Variants in THOC7 observed in about 807,000 individuals in gnomAD.
The protein encoded by THOC7 is NIF3L1-binding protein 1.
THOC7 carries 22 observed loss-of-function variants against 33.1 expected under a neutral mutation model. That is an observed-to-expected ratio of 0.66 (90% CI 0.47 to 0.95). The LOEUF (loss-of-function observed/expected upper bound fraction) is 0.95. Among genes scored for constraint, THOC7 ranks in the 40% least tolerant of loss-of-function variants. The pLI is 0.00. For missense variants in THOC7, 184 were observed against 245.3 expected, an observed-to-expected ratio of 0.75 and a Z score of 1.67; for synonymous variants, 77 against 76.8, an observed-to-expected ratio of 1.00 and a Z score of -0.01.
At chr3:63,863,941 G>A, upstream of THOC7, 2 of 168,914 alleles carry the variant, frequency 1.2e-5, no homozygotes, top group Non-Finnish European at 2.0e-5. Context: ...CGCCTGAGCC[G>A]CGCCGCGCCG....
chr3:63,836,237 A>G (rs920528493), intron 5 of THOC7, 64 bp downstream of exon 5: 7 of 1,472,844 alleles, frequency 4.8e-6, no homozygotes, highest in Non-Finnish European at 6.5e-6. Context: ...TGAAATGCCT[A>G]CGGTAGTTTT....
chr3:63,846,806 A>C (rs1296520872), intron 1 of THOC7, among the ~76,000 whole-genome samples: 1 of 152,170 alleles, frequency 6.6e-6, no homozygotes, highest in Non-Finnish European at 1.5e-5. Context: ...AAAGAGGCAG[A>C]ATGATAGTCT....
At chr3:63,859,305 C>T (rs1026205594) in intron 1 of THOC7, among the ~76,000 whole-genome samples, 1 of 152,198 alleles carries the variant, frequency 6.6e-6, no homozygotes, top group Non-Finnish European at 1.5e-5. Flanking sequence ...TTTCTAAATG[C>T]CCACAAAGGA....
chr3:63,854,054 C>A (rs1194816258), intron 1 of THOC7, among the ~76,000 whole-genome samples: 1 of 152,162 alleles, frequency 6.6e-6, no homozygotes, highest in Non-Finnish European at 1.5e-5. Flanking sequence ...GGATTCCTTA[C>A]AAATTTGCTT....
intron 5 of THOC7, among the ~76,000 whole-genome samples, chr3:63,835,822 T>G (rs1268119132): frequency 6.6e-6 from 1 of 152,112 alleles, no homozygotes; most frequent in Admixed American, 6.6e-5. Flanking sequence ...TATATCATTC[T>G]TATTCTTTTT....
intron 7 of THOC7, among the ~76,000 whole-genome samples, chr3:63,834,816 C>T (rs1274104048): frequency 1.3e-5 from 2 of 152,026 alleles, no homozygotes; most frequent in African/African-American, 4.8e-5. Context: ...TGCAAATGTT[C>T]GTATGTACTG....
intron 1 of THOC7, among the ~76,000 whole-genome samples, chr3:63,854,344 A>T (rs562023509): frequency 6.6e-6 from 1 of 152,336 alleles, no homozygotes; most frequent in East Asian, 1.9e-4. Flanking sequence ...TAGCTCCATA[A>T]TGAACACACT....
At chr3:63,853,127 G>C (rs1188108471) in intron 1 of THOC7, among the ~76,000 whole-genome samples, 1 of 150,700 alleles carries the variant, frequency 6.6e-6, no homozygotes, top group African/African-American at 2.4e-5. Flanking sequence ...CTCTAGCCCG[G>C]GTGGCAGAAT....
At chr3:63,853,630 C>T (rs1472516466) in intron 1 of THOC7, among the ~76,000 whole-genome samples, 4 of 152,130 alleles carry the variant, frequency 2.6e-5, no homozygotes, top group South Asian at 2.1e-4. Flanking sequence ...AATTCACGGC[C>T]GGGCACTATG....
chr3:63,835,502 T>C (rs1447829043), intron 5 of THOC7, 112 bp from the exon 6 acceptor site: 3 of 896,680 alleles, frequency 3.3e-6, no homozygotes, highest in African/African-American at 3.4e-5. Flanking sequence ...AAAGGGCTTA[T>C]AAGGAGTTAT....
At chr3:63,857,695 T>C (rs1024783298) in intron 1 of THOC7, among the ~76,000 whole-genome samples, 3 of 152,242 alleles carry the variant, frequency 2.0e-5, no homozygotes, top group African/African-American at 4.8e-5. Context: ...CATGTAGATA[T>C]TAACCTCTCC....
At chr3:63,858,583 T>C (rs1389207790) in intron 1 of THOC7, among the ~76,000 whole-genome samples, 1 of 152,224 alleles carries the variant, frequency 6.6e-6, no homozygotes, top group Non-Finnish European at 1.5e-5. Flanking sequence ...TATCACCTAA[T>C]GTTCTCTGTA....
intron 1 of THOC7, 106 bp downstream of exon 1, chr3:63,863,665 GC>G: frequency 8.1e-7 from 1 of 1,228,186 alleles, no homozygotes; most frequent in Non-Finnish European, 1.0e-6. Context: ...TGGCGAAGAG[GC>G]CGGGGAGGCC....
intron 3 of THOC7, 93 bp from the exon 4 acceptor site, chr3:63,838,155 A>T: frequency 8.4e-7 from 1 of 1,191,266 alleles, no homozygotes; most frequent in Non-Finnish European, 1.2e-6. Context: ...CTCTATTGGT[A>T]ACAAAATAGA....
At chr3:63,842,411 CA>C (rs765090808) in intron 1 of THOC7, among the ~76,000 whole-genome samples, 6 of 152,136 alleles carry the variant, frequency 3.9e-5, no homozygotes, top group East Asian at 1.9e-4. Flanking sequence ...GAAGAGTCCT[CA>C]AAAAACTGAA....
At chr3:63,835,269 G>C in intron 6 of THOC7, 46 bp from the exon 7 acceptor site, 1 of 1,602,388 alleles carries the variant, frequency 6.2e-7, no homozygotes, top group Non-Finnish European at 8.5e-7. Flanking sequence ...TGTATATATA[G>C]ATATATAGAC....
intron 1 of THOC7, among the ~76,000 whole-genome samples, chr3:63,842,770 G>A (rs1298588737): frequency 6.6e-6 from 1 of 152,060 alleles, no homozygotes; most frequent in African/African-American, 2.4e-5. Context: ...ACACACTTGT[G>A]TAGTACACTA....
intron 1 of THOC7, among the ~76,000 whole-genome samples, chr3:63,856,766 T>C (rs1226528969): frequency 2.0e-5 from 3 of 152,140 alleles, no homozygotes; most frequent in African/African-American, 4.8e-5. Flanking sequence ...TTGCCCAGGC[T>C]GGAGTGCGTG....
intron 1 of THOC7, among the ~76,000 whole-genome samples, chr3:63,860,344 C>T (rs1461408797): frequency 6.6e-6 from 1 of 152,172 alleles, no homozygotes; most frequent in Non-Finnish European, 1.5e-5. Flanking sequence ...CTACCACACC[C>T]AGCCTCTACT....
Sources: gnomAD v4.1 joint callset for allele counts (sites outside exome capture counted in the v4.1 genomes callset) on GRCh38, gnomAD v4.1.1 for gene constraint, MANE v1.5 for transcripts, NCBI Gene and HGNC (gene_info 2026-07-23, HGNC 2026-07-21) for gene names.